The following EPHA8 variants were observed in gnomAD, a reference collection of about 807,000 sequenced individuals.
EPHA8 encodes ephrin type-A receptor 8.
Under a neutral mutation model 103.6 loss-of-function variants are expected in EPHA8, and 58 were observed. That is an observed-to-expected ratio of 0.56 (90% CI 0.45 to 0.70). The LOEUF is 0.70. EPHA8 is among the 30% of genes least tolerant of loss of function. The pLI is 0.00. For missense variants in EPHA8, 1,304 were observed against 1,395.2 expected, an observed-to-expected ratio of 0.93 and a Z score of 1.04; for synonymous variants, 559 against 572.5, an observed-to-expected ratio of 0.98 and a Z score of 0.34.
intron 2 of EPHA8, among the ~76,000 whole-genome samples, chr1:22,572,315 C>T (rs564094750): frequency 2.0e-5 from 3 of 152,250 alleles, no homozygotes; most frequent in Non-Finnish European, 4.4e-5. Context: ...GCCTCCACCT[C>T]CTCATTTATA....
Position 22,578,190 on chromosome 1 carries a change from A to G in EPHA8, c.823+1310A>G, listed in dbSNP as rs866226201. ...TGTATGTGTGCATGTGTGTGCGTGCATGTGTGTGCGTGCGAGTGTGTGCGT... is the reference window on the plus strand; with the variant it reads ...TGTATGTGTGCATGTGTGTGCGTGCGTGTGTGTGCGTGCGAGTGTGTGCGT... On this transcript the variant is annotated intron_variant, in intron 3 of 16. Transcript: ENST00000166244. 2.2e-3 allele frequency among the ~76,000 whole-genome samples: 85 copies of G among 38,424 alleles called. No individual in the cohort carries two copies. The East Asian group carries it at 0.036, about 16-fold the overall frequency. The allele number at this position is 38,424 out of a possible 152,430, so 25.2% of individuals were successfully genotyped here. A position where few individuals can be genotyped will look rare whatever the true frequency, so the allele number is the denominator to read the frequency against.
In EPHA8 at chr1:22,569,837, G is replaced by A. The variant is rs770584257; in HGVS notation, c.159+484G>A. Reference sequence around the variant, plus strand: ...GCTGTGGGTCATGTGCTCACAGGCCGTGCCCCCATCCTCCTGGGGAAGGGC... The same window carrying A: ...GCTGTGGGTCATGTGCTCACAGGCCATGCCCCCATCCTCCTGGGGAAGGGC... On this transcript the variant is annotated intron_variant, in intron 2 of 16. Transcript: ENST00000166244. This position sits in a 1 kb window ranked among gnomAD's most constrained non-coding sequence, Gnocchi z 4.5. Among the ~76,000 whole-genome samples the A allele has an allele frequency of 6.6e-6, 1 of 152,148 alleles. No homozygotes were observed. Among genetic ancestry groups the A allele is most frequent in the Non-Finnish European group, 1.5e-5 (1 of 68,014 alleles).
intron 3 of EPHA8, among the ~76,000 whole-genome samples, chr1:22,583,012 G>A (rs867097039): frequency 6.6e-6 from 1 of 152,222 alleles, no homozygotes; most frequent in Non-Finnish European, 1.5e-5. Flanking sequence ...GTCCACCAGC[G>A]GACACCTTAT....
intron 2 of EPHA8, among the ~76,000 whole-genome samples, chr1:22,571,051 C>A (rs970449591): frequency 1.3e-5 from 2 of 152,156 alleles, no homozygotes; most frequent in Admixed American, 1.3e-4. Context: ...CGCCTGGGCC[C>A]TGGCTGGCTC....
rs1484269942 is a variant in EPHA8 at position 22,576,833 on chromosome 1, A to T, written c.776A>T (p.Lys259Ile). Residue 259 changes from lysine to isoleucine, a missense_variant, in exon 3 of 17, where the codon AAA (lysine) becomes ATA (isoleucine). Coordinates refer to ENST00000166244, the MANE Select transcript of EPHA8 (RefSeq NM_020526.5). The surrounding 1 kb of genome is among the most constrained non-coding windows in gnomAD (Gnocchi z 4.8). ...AEGEWLVPIG[K>I]CVCSAGYEER... ...GGCGAGTGGCTCGTGCCCATCGGCA[A>T]ATGCGTGTGCAGTGCCGGCTACGAG... 1.2e-5 allele frequency: 19 copies of T among 1,609,718 alleles called. No individual in the cohort carries two copies. The highest frequency in any genetic ancestry group is 1.6e-5 in the Non-Finnish European group (19 of 1,178,218).
At position 22,585,027 on chromosome 1, in the gene EPHA8, CTGTG is replaced by C. The variant is rs772415643; in HGVS notation, c.824-1432_824-1429del. 3.0e-4 allele frequency among the ~76,000 whole-genome samples: 45 copies of C among 147,574 alleles called. No homozygotes were observed. The Middle Eastern group carries it at 0.014, about 46-fold the overall frequency. On this transcript the variant is annotated intron_variant, in intron 3 of 16. Coordinates refer to ENST00000166244, the MANE Select transcript of EPHA8 (RefSeq NM_020526.5). ...AGCAGGGCGGGGAATGGTCGTTTCT[CTGTG>C]TGTGTGTGTGTGTGTGTGTGCGCAC...
chr1:22,600,756 G>T lies in EPHA8; in HGVS notation c.2484G>T (p.Met828Ile), dbSNP rs1346788152. The change falls in exon 14 of 17, where the codon ATG (methionine) becomes ATT (isoleucine). Residue 828 changes from methionine to isoleucine, a missense_variant. By Grantham distance (10) the Met-to-Ile change is conservative. Coordinates refer to ENST00000166244, the MANE Select transcript of EPHA8 (RefSeq NM_020526.5). ...ASDVWSFGVV[M>I]WEVLAYGERP... Reference sequence around the variant, plus strand: ...ACGTGTGGAGCTTCGGCGTGGTCATGTGGGAGGTGCTGGCCTATGGGGAGC... The same window carrying T: ...ACGTGTGGAGCTTCGGCGTGGTCATTTGGGAGGTGCTGGCCTATGGGGAGC... The T allele has an allele frequency of 6.2e-7, 1 of 1,612,974 alleles. No individual in the cohort carries two copies. The highest frequency in any genetic ancestry group is 1.7e-5 in the Admixed American group (1 of 59,910).
At chr1:22,581,934 A>C (rs1167479396) in intron 3 of EPHA8, among the ~76,000 whole-genome samples, 2 of 152,198 alleles carry the variant, frequency 1.3e-5, no homozygotes, top group African/African-American at 4.8e-5. Context: ...GAAGGTCAGC[A>C]CGGGTCTCAA....
chr1:22,571,184 C>G (rs1047337957), intron 2 of EPHA8, among the ~76,000 whole-genome samples: 1 of 152,136 alleles, frequency 6.6e-6, no homozygotes, highest in Non-Finnish European at 1.5e-5. Flanking sequence ...CACTGGCAGT[C>G]TCAGGTGGGT....
Position 22,597,427 on chromosome 1 carries a change from T to G in EPHA8, c.1881T>G (p.Thr627=), listed in dbSNP as rs1446365854. Residue 627 remains threonine, a synonymous_variant, in exon 10 of 17, where the codon ACT becomes ACG. Coordinates refer to ENST00000166244, the MANE Select transcript of EPHA8 (RefSeq NM_020526.5). This position sits in a 1 kb window ranked among gnomAD's most constrained non-coding sequence, Gnocchi z 4.6. ...EEPGRAGRSF[T]REIEASRIHI... ...CAGGCCGGGCGGGCCGCAGTTTCAC[T>G]CGGGAGATCGAGGCCTCTAGGATCC... 1.2e-6 allele frequency: 2 copies of G among 1,613,406 alleles called. No individual in the cohort carries two copies. The highest frequency in any genetic ancestry group is 1.1e-5 in the South Asian group (1 of 91,066).
At chr1:22,579,388 CTG>C (rs1044100380) in intron 3 of EPHA8, among the ~76,000 whole-genome samples, 2 of 147,436 alleles carry the variant, frequency 1.4e-5, no homozygotes, top group Admixed American at 6.7e-5. Context: ...TATGTGTGCA[CTG>C]TGTGCATGTG....
chr1:22,599,641 G>GGGAGGGAAGGAA (rs1641624800), intron 13 of EPHA8, among the ~76,000 whole-genome samples: 6 of 73,480 alleles, frequency 8.2e-5, no homozygotes, highest in Non-Finnish European at 1.5e-4. Context: ...AAGGAAGGGA[G>GGGAGGGAAGGAA]GGAGGGAAGG....
chr1:22,599,734 AGGAGGGAGGGAGGAAGGAG>A (rs1557583472), intron 13 of EPHA8, among the ~76,000 whole-genome samples: 438 of 1,696 alleles, frequency 0.26, 37 homozygotes, highest in African/African-American at 0.41. Flanking sequence ...GAGGGAAGGA[AGGAGGGAGGGAGGAAGGAG>A]GGAAAGAAGG....
intron 3 of EPHA8, among the ~76,000 whole-genome samples, chr1:22,578,869 ACGTGTCCG>A (rs371957593): frequency 0.074 from 10,326 of 140,094 alleles, 1,032 homozygotes; most frequent in African/African-American, 0.24. Context: ...GTGTATATGC[ACGTGTCCG>A]TGTGTCCGTG....
chr1:22,578,296 G>A (rs1432440922), intron 3 of EPHA8, among the ~76,000 whole-genome samples: 1 of 149,994 alleles, frequency 6.7e-6, no homozygotes, highest in Non-Finnish European at 1.5e-5. Context: ...GTGTGCATGA[G>A]TCTATGCCTG....
intron 3 of EPHA8, among the ~76,000 whole-genome samples, chr1:22,577,586 G>A (rs1640746426): frequency 6.6e-6 from 1 of 152,068 alleles, no homozygotes; most frequent in South Asian, 2.1e-4. Context: ...TGTTCAGGGG[G>A]ATCTTATCAG....
In EPHA8 at chr1:22,597,014, A is replaced by G. The variant is rs1010465183; in HGVS notation, c.1766-298A>G. ...CTTGTGGCAAAAACTTATTTTTGCTACATCCCTACTCCAGAACAATTTAGA... is the reference window on the plus strand; with the variant it reads ...CTTGTGGCAAAAACTTATTTTTGCTGCATCCCTACTCCAGAACAATTTAGA... On this transcript the variant is annotated intron_variant, in intron 9 of 16. Coordinates refer to ENST00000166244, the MANE Select transcript of EPHA8 (RefSeq NM_020526.5). The surrounding 1 kb of genome is among the most constrained non-coding windows in gnomAD (Gnocchi z 4.6). 3.9e-5 allele frequency among the ~76,000 whole-genome samples: 6 copies of G among 152,294 alleles called. No individual in the cohort carries two copies. Among genetic ancestry groups the G allele is most frequent in the South Asian group, 4.1e-4 (2 of 4,824 alleles).
At chr1:22,583,288 G>T (rs918003344) in intron 3 of EPHA8, among the ~76,000 whole-genome samples, 5 of 152,216 alleles carry the variant, frequency 3.3e-5, no homozygotes, top group Non-Finnish European at 5.9e-5. Context: ...CCTGAGGCCT[G>T]GTGATTAGTA....
intron 5 of EPHA8, among the ~76,000 whole-genome samples, chr1:22,591,650 C>A (rs1343505859): frequency 6.6e-6 from 1 of 152,212 alleles, no homozygotes. Context: ...CAGCTTCACC[C>A]CTGCCTGCCT....
Sources: gnomAD v4.1 joint callset for allele counts (sites outside exome capture counted in the v4.1 genomes callset) on GRCh38, gnomAD v4.1.1 for gene constraint, Gnocchi (gnomAD v3.1) non-coding constraint, MANE v1.5 for transcripts, NCBI Gene and HGNC (gene_info 2026-07-23, HGNC 2026-07-21) for gene names.